Variants in ACTG1 observed in about 807,000 individuals in gnomAD.
ACTG1 encodes the protein actin gamma 1, also known as actin, cytoplasmic 2.
A neutral mutation model predicts 34.3 loss-of-function variants in ACTG1; 14 were observed. The observed-to-expected ratio is 0.41, with a 90% confidence interval of 0.27 to 0.64. The LOEUF (loss-of-function observed/expected upper bound fraction) is 0.64, where lower values mean the gene tolerates loss of function less well. Ranked by LOEUF, ACTG1 falls within the 30% of genes least tolerant of loss-of-function variation. ACTG1 has a pLI of 0.33. For synonymous variants in ACTG1, 422 were observed against 213.9 expected (o/e 1.97, Z -8.49); for missense variants, 233 against 529.5 (o/e 0.44, Z 5.50).
At chr17:81,512,633 G>C in intron 1 of ACTG1, 101 bp downstream of exon 1, 1 of 502,552 alleles carries the variant, frequency 2.0e-6, no homozygotes, top group Non-Finnish European at 3.6e-6. Context: ...TTGTTCCCGG[G>C]GAAGGCGCGA....
Position 81,510,206 on chromosome 17 carries a change from A to G in ACTG1, c.*484T>C, listed in dbSNP as rs2031666942. 7.6e-6 allele frequency: 4 copies of G among 527,898 alleles called. No individual in the cohort carries two copies. Among genetic ancestry groups the G allele is most frequent in the South Asian group, 6.1e-5 (4 of 65,304 alleles). 32.7% of individuals were successfully genotyped at this position (527,898 alleles called of 1,614,324 possible). A position where few individuals can be genotyped will look rare whatever the true frequency, so the allele number is the denominator to read the frequency against. On this transcript the variant is annotated 3_prime_UTR_variant, in exon 6 of 6. Coordinates refer to ENST00000573283, the MANE Select transcript of ACTG1 (RefSeq NM_001614.5). ...GGTGTTCTGGCCAAAGACATCAGCT[A>G]AGAAAGGAAACTGGGTCCTACGGCT...
Position 81,512,095 on chromosome 17 carries a change from C to T in ACTG1, c.171G>A (p.Glu57=), listed in dbSNP as rs372586603. The T allele has an allele frequency of 1.9e-6, 3 of 1,613,904 alleles. No individual in the cohort carries two copies. Among genetic ancestry groups the T allele is most frequent in the Middle Eastern group, 1.6e-4 (1 of 6,062 alleles). Residue 57 remains glutamate (E), a synonymous_variant, in exon 3 of 6, where the codon GAG becomes GAA. Transcript: ENST00000573283. ...MGQKDSYVGD[E]AQSKRGILTL... Reference sequence around the variant, plus strand: ...TCAGGATGCCACGCTTGCTCTGGGCCTCGTCGCCCACGTAGGAGTCCTTCT... The same window carrying T: ...TCAGGATGCCACGCTTGCTCTGGGCTTCGTCGCCCACGTAGGAGTCCTTCT...
chr17:81,511,725 G>T, intron 3 of ACTG1, 99 bp from the exon 4 acceptor site: 1 of 1,514,142 alleles, frequency 6.6e-7, no homozygotes, highest in South Asian at 1.2e-5. Flanking sequence ...GATGTGTGGA[G>T]AAAAGAAAAG....
At chr17:81,512,505 G>A (rs1342257349) in intron 1 of ACTG1, 145 bp from the exon 2 acceptor site, 19 of 1,351,316 alleles carry the variant, frequency 1.4e-5, no homozygotes, top group African/African-American at 1.0e-4. Flanking sequence ...GCCTGGAACC[G>A]AAGGCCGGGC....
At position 81,510,208 on chromosome 17, in the gene ACTG1, G is replaced by T. The variant is rs1140383; in HGVS notation, c.*482C>A. On this transcript the variant is annotated 3_prime_UTR_variant, in exon 6 of 6. Transcript: ENST00000573283. ...TGTTCTGGCCAAAGACATCAGCTAA[G>T]AAAGGAAACTGGGTCCTACGGCTTG... is the stretch of plus-strand genomic sequence containing the variant. The T allele has an allele frequency of 3.8e-6, 2 of 527,628 alleles. No homozygotes were observed. The highest frequency in any genetic ancestry group is 4.7e-5 in the Admixed American group (2 of 42,376). The allele number at this position is 527,628 out of a possible 1,614,324, so 32.7% of individuals were successfully genotyped here.
At position 81,512,110 on chromosome 17, in the gene ACTG1, G is replaced by A. The variant is rs782713618; in HGVS notation, c.156C>T (p.Ser52=). ...GVMVGMGQKD[S]YVGDEAQSKR... Reference sequence around the variant, plus strand: ...TGCTCTGGGCCTCGTCGCCCACGTAGGAGTCCTTCTGGCCCATGCCCACCA... The same window carrying A: ...TGCTCTGGGCCTCGTCGCCCACGTAAGAGTCCTTCTGGCCCATGCCCACCA... Residue 52 remains serine, a synonymous_variant, in exon 3 of 6, where the codon TCC becomes TCT. Transcript: ENST00000573283. 2.9e-5 allele frequency: 47 copies of A among 1,613,786 alleles called. No individual in the cohort carries two copies. The highest frequency in any genetic ancestry group is 3.5e-5 in the Non-Finnish European group (41 of 1,180,020).
At chr17:81,512,628 C>T (rs2031889020) in intron 1 of ACTG1, 106 bp downstream of exon 1, 6 of 516,576 alleles carry the variant, frequency 1.2e-5, no homozygotes, top group South Asian at 2.0e-5. Context: ...GCCTTTTGTT[C>T]CCGGGGAAGG....
At position 81,512,294 on chromosome 17, in the gene ACTG1, A is replaced by T; in HGVS notation, c.61T>A (p.Phe21Ile). 1 of 1,613,704 alleles carries T rather than the reference A, an allele frequency of 6.2e-7. No individual in the cohort carries two copies. Among genetic ancestry groups the T allele is most frequent in the Non-Finnish European group, 8.5e-7 (1 of 1,179,884 alleles). ...DNGSGMCKAG[F>I]AGDDAPRAVF... ...GCTCGGGGAGCGTCGTCCCCAGCAA[A>T]ACCAGCTTTGCACATGCCGGAGCCA... The change falls in exon 2 of 6, where the codon TTT becomes ATT. Residue 21 changes from phenylalanine (F) to isoleucine (I), a missense_variant. Physicochemically the swap from Phe to Ile is conservative, Grantham distance 21. Transcript: ENST00000573283.
rs9912409 is a variant in ACTG1, at chr17:81,511,845, C to T, written c.363+58G>A. On this transcript the variant is annotated intron_variant, in intron 3 of 5. Coordinates refer to ENST00000573283, the MANE Select transcript of ACTG1 (RefSeq NM_001614.5). Reference sequence around the variant, plus strand: ...AACACTTAAATGTCAGAAATCAAGCCGGGCAGAAAATGACTGGGGAAAGGA... The same window carrying T: ...AACACTTAAATGTCAGAAATCAAGCTGGGCAGAAAATGACTGGGGAAAGGA... 0.28 allele frequency: 455,181 copies of T among 1,608,356 alleles called. 75,270 individuals carry two copies. The highest frequency in any genetic ancestry group is 0.81 in the East Asian group (36,268 of 44,702).
intron 3 of ACTG1, 80 bp downstream of exon 3, chr17:81,511,823 A>C (rs781939525): frequency 3.1e-4 from 504 of 1,605,816 alleles, no homozygotes; most frequent in Non-Finnish European, 3.8e-4. Context: ...CGAAAGAAAC[A>C]CTTAAATGTC....
chr17:81,511,777 G>T (rs540824026), intron 3 of ACTG1, 126 bp downstream of exon 3: 1 of 1,559,370 alleles, frequency 6.4e-7, no homozygotes, highest in Admixed American at 1.8e-5. Flanking sequence ...AGGCTTCAGG[G>T]AGGAAATGCC....
rs782227962 is a variant in ACTG1, at chr17:81,511,897, C to T, written c.363+6G>A. 8.1e-6 allele frequency: 13 copies of T among 1,614,098 alleles called. No individual in the cohort carries two copies. In the East Asian group the frequency reaches 1.3e-4, roughly 17 times the overall value. On this transcript the variant is annotated splice_donor_region_variant and intron_variant, in intron 3 of 5. Coordinates refer to ENST00000573283, the MANE Select transcript of ACTG1 (RefSeq NM_001614.5). ...GGGAGGAGCACGGGCGTCGGCCGAG[C>T]CTCACCTGAGTCATCTTCTCTCTGT...
At position 81,510,148 on chromosome 17, in the gene ACTG1, A is replaced by AC. The variant is rs1598544947; in HGVS notation, c.*541dup. 1 of 515,666 alleles carries AC rather than the reference A, an allele frequency of 1.9e-6. No individual in the cohort carries two copies. The highest frequency in any genetic ancestry group is 3.5e-6 in the Non-Finnish European group (1 of 283,132). The allele number at this position is 515,666 out of a possible 1,614,324, so 31.9% of individuals were successfully genotyped here. A position where few individuals can be genotyped will look rare whatever the true frequency, so the allele number is the denominator to read the frequency against. On this transcript the variant is annotated 3_prime_UTR_variant, in exon 6 of 6. Transcript: ENST00000573283. Reference sequence around the variant, plus strand: ...AATACATTTACAGGCGTAAATGCAAACCGCTTCCAACTCAAAGCAAGTAAC... The same window carrying AC: ...AATACATTTACAGGCGTAAATGCAAACCCGCTTCCAACTCAAAGCAAGTAAC...
At position 81,511,414 on chromosome 17, in the gene ACTG1, G is replaced by T. The variant is rs186443800; in HGVS notation, c.576C>A (p.Ile192=). ...GRDLTDYLMK[I]LTERGYSFTT... is the part of the protein sequence containing the mutation. ...TGAAGCTGTAGCCTCGCTCAGTGAG[G>T]ATCTTCATGAGGTAGTCGGTCAGGT... The change falls in exon 4 of 6, where the codon ATC becomes ATA. Residue 192 remains isoleucine, a synonymous_variant. Transcript: ENST00000573283. 3 of 1,613,942 alleles carry T rather than the reference G, an allele frequency of 1.9e-6. No homozygotes were observed. The highest frequency in any genetic ancestry group is 1.1e-5 in the South Asian group (1 of 91,090).
chr17:81,512,406 TC>T, intron 1 of ACTG1, 46 bp from the exon 2 acceptor site: 3 of 1,613,174 alleles, frequency 1.9e-6, no homozygotes, highest in Non-Finnish European at 2.5e-6. Context: ...TGTAACACGG[TC>T]CCCTCCCCAC....
rs782353546 is a variant in ACTG1, at chr17:81,510,880, G to C, written c.984+47C>G. On this transcript the variant is annotated intron_variant, in intron 5 of 5. Transcript: ENST00000573283. The stretch of plus-strand genomic sequence containing the variant: ...GCTTCAGCTCACAGAGCGCCCCCCA[G>C]TCAGCTCTCCCGAGCCAGGCAGAGG... The C allele has an allele frequency of 3.1e-6, 5 of 1,613,542 alleles. No individual in the cohort carries two copies. The South Asian group carries it at 3.3e-5, about 11-fold the overall frequency.
rs1281182430 is a variant in ACTG1, at chr17:81,510,389, C to G, written c.*301G>C. ...CACCAAGCCACAGACTTGTCTTCCA[C>G]AAGCACGTTCTTACCTTAGCCACGA... is the stretch of plus-strand genomic sequence containing the variant. On this transcript the variant is annotated 3_prime_UTR_variant, in exon 6 of 6. Transcript: ENST00000573283. 3 of 496,614 alleles carry G rather than the reference C, an allele frequency of 6.0e-6. No homozygotes were observed. The highest frequency in any genetic ancestry group is 1.9e-5 in the African/African-American group (1 of 51,508). 30.8% of individuals were successfully genotyped at this position (496,614 alleles called of 1,614,324 possible). A position where few individuals can be genotyped will look rare whatever the true frequency, so the allele number is the denominator to read the frequency against.
rs540864725 is a variant in ACTG1, at chr17:81,511,631, G to A, written c.364-5C>T. On this transcript the variant is annotated splice_region_variant and splice_polypyrimidine_tract_variant and intron_variant, in intron 3 of 5. Transcript: ENST00000573283. The stretch of plus-strand genomic sequence containing the variant: ...GTTGAAGGTCTCAAACATAATCTGA[G>A]AAGGGACAAGGGGCGGCTTAGTCAG... 47 of 1,612,638 alleles carry A rather than the reference G, an allele frequency of 2.9e-5. No individual in the cohort carries two copies. Among genetic ancestry groups the A allele is most frequent in the African/African-American group, 4.0e-5 (3 of 75,060 alleles).
Position 81,511,320 on chromosome 17 carries a change from C to A in ACTG1, c.670G>T (p.Glu224Ter), listed in dbSNP as rs2143777663. The change falls in exon 4 of 6, where the codon GAG becomes TAG. Residue 224 changes from glutamate (E) to a stop codon, truncating the protein, a stop_gained. Transcript: ENST00000573283. LOFTEE classifies it high-confidence loss of function. ...GATGCGGCGGTGGCCATCTCCTGCT[C>A]GAAGTCCAGGGCGACGTAGCACAGC... is the stretch of plus-strand genomic sequence containing the variant. ...EKLCYVALDF[E>*]QEMATAASSS... 2 of 1,613,792 alleles carry A rather than the reference C, an allele frequency of 1.2e-6. No homozygotes were observed. The highest frequency in any genetic ancestry group is 1.7e-6 in the Non-Finnish European group (2 of 1,180,040).
Sources: gnomAD v4.1 joint callset for allele counts on GRCh38, gnomAD v4.1.1 for gene constraint, MANE v1.5 for transcripts, NCBI Gene and HGNC (gene_info 2026-07-23, HGNC 2026-07-21) for gene names.